The following WNT9A variants were observed in gnomAD, a reference collection of about 807,000 sequenced individuals.
WNT9A encodes the protein Wnt family member 9A.
WNT9A carries 8 observed loss-of-function variants against 31.4 expected under a neutral mutation model. The observed-to-expected ratio is 0.26, with a 90% CI of 0.15 to 0.46. The LOEUF (loss-of-function observed/expected upper bound fraction) is 0.46, where lower values mean the gene tolerates loss of function less well. WNT9A is among the 20% of genes least tolerant of loss of function. The pLI is 0.99. For missense variants in WNT9A, 457 were observed against 522.9 expected (o/e 0.87, Z 1.23); for synonymous variants, 236 against 220.1 (o/e 1.07, Z -0.64).
In WNT9A at chr1:227,925,471, T is replaced by C. The variant is rs543651272; in HGVS notation, c.144A>G (p.Pro48=). Residue 48 remains proline (P), a synonymous_variant, in exon 2 of 4, where the codon CCA becomes CCG. Transcript: ENST00000272164. The surrounding 1 kb of genome is among the most constrained non-coding windows in gnomAD (Gnocchi z 6.0). ...TGTAGTGCGCCTGGGCAGCCGCCTC[T>C]GGCTCCAGGGTCAGCGGGAGGATGG... The part of the protein sequence containing the change: ...PLTILPLTLE[P]EAAAQAHYKA... The C allele has an allele frequency of 1.9e-6, 3 of 1,577,972 alleles. No homozygotes were observed. Among genetic ancestry groups the C allele is most frequent in the East Asian group, 2.3e-5 (1 of 42,934 alleles).
intron 2 of WNT9A, 33 bp from the exon 3 acceptor site, chr1:227,924,433 G>C: frequency 6.3e-7 from 1 of 1,593,852 alleles, no homozygotes; most frequent in Non-Finnish European, 8.6e-7. Flanking sequence ...AGTGAGCCCA[G>C]GCTGCCCAGA....
intron 1 of WNT9A, among the ~76,000 whole-genome samples, chr1:227,939,813 AATCAAAACAAATTCTAGCACTGAGAAAC>A (rs1666662258): frequency 6.6e-6 from 1 of 152,194 alleles, no homozygotes; most frequent in South Asian, 2.1e-4. Context: ...TGTGAAACAA[AATCAAAACAAATTCTAGCACTGAGAAAC>A]CGGGGCTGAG....
intron 1 of WNT9A, among the ~76,000 whole-genome samples, chr1:227,936,274 C>T (rs1175506109): frequency 6.6e-6 from 1 of 152,128 alleles, no homozygotes; most frequent in African/African-American, 2.4e-5. Flanking sequence ...CTGCAACTTC[C>T]ACCTCCTGGG....
At chr1:227,933,193 GCTGCA>G (rs1666540490) in intron 1 of WNT9A, among the ~76,000 whole-genome samples, 1 of 152,218 alleles carries the variant, frequency 6.6e-6, no homozygotes, top group South Asian at 2.1e-4. Flanking sequence ...TGGAGAGCTT[GCTGCA>G]GTGTCTCCAC....
At chr1:227,924,896 A>C (rs901954275) in intron 2 of WNT9A, among the ~76,000 whole-genome samples, 2 of 152,056 alleles carry the variant, frequency 1.3e-5, no homozygotes, top group Admixed American at 6.5e-5. Flanking sequence ...GGCATCAGAG[A>C]GCCCTCATGA....
chr1:227,945,571 C>A (rs1354421476), intron 1 of WNT9A, among the ~76,000 whole-genome samples: 1 of 152,206 alleles, frequency 6.6e-6, no homozygotes, highest in Non-Finnish European at 1.5e-5. Flanking sequence ...GTGTTCCTGC[C>A]TGGGAGACTC....
At position 227,947,721 on chromosome 1, in the gene WNT9A, G is replaced by A. The variant is rs919732783; in HGVS notation, c.95+72C>T. 5 of 932,494 alleles carry A rather than the reference G, an allele frequency of 5.4e-6. No individual in the cohort carries two copies. In the African/African-American group the frequency reaches 5.4e-5, roughly 10 times the overall value. The allele number at this position is 932,494 out of a possible 1,614,324, so 57.8% of individuals were successfully genotyped here. A position where few individuals can be genotyped will look rare whatever the true frequency, so the allele number is the denominator to read the frequency against. ...CCCCAGCCACCCCGGGTGCCTCGGGGACTCCGGACGACCCCGCCCCGGCCC... is the reference window on the plus strand; with the variant it reads ...CCCCAGCCACCCCGGGTGCCTCGGGAACTCCGGACGACCCCGCCCCGGCCC... On this transcript the variant is annotated intron_variant, in intron 1 of 3. Coordinates refer to ENST00000272164, the MANE Select transcript of WNT9A (RefSeq NM_003395.4).
chr1:227,922,343 C>G (rs1666335622), intron 3 of WNT9A, among the ~76,000 whole-genome samples: 1 of 152,190 alleles, frequency 6.6e-6, no homozygotes, highest in Non-Finnish European at 1.5e-5. Context: ...TGCCCCCATT[C>G]CCATAATCCC....
At chr1:227,938,210 C>T (rs987703442) in intron 1 of WNT9A, among the ~76,000 whole-genome samples, 2 of 151,552 alleles carry the variant, frequency 1.3e-5, no homozygotes, top group Non-Finnish European at 2.9e-5. Context: ...CACACACAAA[C>T]CCCCCCACAC....
intron 1 of WNT9A, among the ~76,000 whole-genome samples, chr1:227,941,370 T>C (rs1247696932): frequency 6.6e-6 from 1 of 151,960 alleles, no homozygotes; most frequent in Non-Finnish European, 1.5e-5. Context: ...GGGACCCTCC[T>C]GGCTGATCCC....
chr1:227,921,121 G>A lies in WNT9A; in HGVS notation c.*397C>T, dbSNP rs1666304454. On this transcript the variant is annotated 3_prime_UTR_variant, in exon 4 of 4. Coordinates refer to ENST00000272164, the MANE Select transcript of WNT9A (RefSeq NM_003395.4). The stretch of plus-strand genomic sequence containing the variant: ...AGGTGTAGACCTTCTCACACCATGT[G>A]CAATGCCTGCACTCTGAGCAGCAGG... The A allele has an allele frequency of 4.4e-6, 1 of 229,524 alleles. No homozygotes were observed. The highest frequency in any genetic ancestry group is 8.7e-6 in the Non-Finnish European group (1 of 115,564). 14.2% of individuals were successfully genotyped at this position (229,524 alleles called of 1,614,324 possible). A position where few individuals can be genotyped will look rare whatever the true frequency, so the allele number is the denominator to read the frequency against.
chr1:227,921,383 C>A lies in WNT9A; in HGVS notation c.*135G>T. 7.1e-7 allele frequency: 1 copy of A among 1,403,108 alleles called. No homozygotes were observed. The highest frequency in any genetic ancestry group is 9.6e-7 in the Non-Finnish European group (1 of 1,041,070). 86.9% of individuals were successfully genotyped at this position (1,403,108 alleles called of 1,614,324 possible). A position where few individuals can be genotyped will look rare whatever the true frequency, so the allele number is the denominator to read the frequency against. On this transcript the variant is annotated 3_prime_UTR_variant, in exon 4 of 4. Transcript: ENST00000272164. ...CAGCCCATGCAGGTGTAGACCCATT[C>A]ACACTGTGTGCAATGCCTGTACCCC...
chr1:227,927,406 G>A (rs1666437028), intron 1 of WNT9A, among the ~76,000 whole-genome samples: 1 of 152,194 alleles, frequency 6.6e-6, no homozygotes, highest in Non-Finnish European at 1.5e-5. Context: ...TCTGAGCCTG[G>A]ACACTGCCGT....
chr1:227,924,062 T>TGCCCC lies in WNT9A; in HGVS notation c.615+75_615+76insGGGGC. On this transcript the variant is annotated intron_variant, in intron 3 of 3. Transcript: ENST00000272164. ...TGCCCTGCTGCAGCCCCGCCCCCAG[T>TGCCCC]CCCACGCCCCACCCCCAACCCCCTG... 8.5e-5 allele frequency: 20 copies of TGCCCC among 234,960 alleles called. 2 individuals carry two copies. The highest frequency in any genetic ancestry group is 6.2e-4 in the East Asian group (4 of 6,470). The allele number at this position is 234,960 out of a possible 1,614,324, so 14.6% of individuals were successfully genotyped here.
At chr1:227,930,536 T>C (rs542756008) in intron 1 of WNT9A, among the ~76,000 whole-genome samples, 2 of 151,838 alleles carry the variant, frequency 1.3e-5, no homozygotes, top group East Asian at 2.0e-4. Context: ...ACTGAGACCA[T>C]CTAAAAACAA....
rs747319229 is a variant in WNT9A at position 227,924,218 on chromosome 1, C to T, written c.535G>A (p.Val179Ile). 7.4e-6 allele frequency: 12 copies of T among 1,613,486 alleles called. No individual in the cohort carries two copies. The highest frequency in any genetic ancestry group is 2.2e-5 in the South Asian group (2 of 91,084). The change falls in exon 3 of 4, where the codon GTC becomes ATC. Residue 179 changes from valine to isoleucine, a missense_variant. Physicochemically the swap from Val to Ile is conservative, Grantham distance 29 (BLOSUM62 3). Coordinates refer to ENST00000272164, the MANE Select transcript of WNT9A (RefSeq NM_003395.4). Reference protein sequence around the residue: ...GDNLKYSSKFVKEFLGRRSSK... With the variant: ...GDNLKYSSKFIKEFLGRRSSK... ...GACCGTCTGCCCAGGAATTCCTTGACGAACTTGCTGCTGTACTTAAGGTTG... is the reference window on the plus strand; with the variant it reads ...GACCGTCTGCCCAGGAATTCCTTGATGAACTTGCTGCTGTACTTAAGGTTG...
intron 1 of WNT9A, among the ~76,000 whole-genome samples, chr1:227,931,818 G>A (rs1666516251): frequency 6.6e-6 from 1 of 152,066 alleles, no homozygotes; most frequent in East Asian, 1.9e-4. Flanking sequence ...TTGCCTCCAT[G>A]CTGGTAGCTG....
rs1028889782 is a variant in WNT9A at position 227,926,888 on chromosome 1, AC to A, written c.96-1370del. Among the ~76,000 whole-genome samples the A allele has an allele frequency of 5.3e-5, 8 of 151,912 alleles. No individual in the cohort carries two copies. Among genetic ancestry groups the A allele is most frequent in the African/African-American group, 1.9e-4 (8 of 41,360 alleles). The stretch of plus-strand genomic sequence containing the variant: ...AGGGGCCCAAGAGGCTCCCTAGCAT[AC>A]CCCATCAAAGGCAAGGCCACATAGG... On this transcript the variant is annotated intron_variant, in intron 1 of 3. Transcript: ENST00000272164. This position sits in a 1 kb window ranked among gnomAD's most constrained non-coding sequence, Gnocchi z 5.0.
chr1:227,935,996 A>G (rs1282314212), intron 1 of WNT9A, among the ~76,000 whole-genome samples: 2 of 152,140 alleles, frequency 1.3e-5, no homozygotes, highest in South Asian at 2.1e-4. Flanking sequence ...CTGTTTTATC[A>G]GTCAGCACTA....
Sources: allele counts gnomAD v4.1 joint callset (sites outside exome capture counted in the v4.1 genomes callset), GRCh38; gene constraint gnomAD v4.1.1; non-coding constraint Gnocchi (gnomAD v3.1); transcripts MANE v1.5; gene names NCBI Gene and HGNC (gene_info 2026-07-23, HGNC 2026-07-21).